The following PIK3CD variants were observed in gnomAD, a reference collection of about 807,000 sequenced individuals.
PIK3CD encodes the protein phosphatidylinositol-4,5-bisphosphate 3-kinase catalytic subunit delta.
PIK3CD carries 20 observed loss-of-function variants against 122.9 expected under a neutral mutation model. The ratio of observed to expected loss-of-function variants is 0.16; its 90% CI spans 0.11 to 0.24. The LOEUF (loss-of-function observed/expected upper bound fraction) is 0.24, where lower values mean the gene tolerates loss of function less well. Among genes scored for constraint, PIK3CD ranks in the 10% least tolerant of loss-of-function variants. PIK3CD has a pLI of 1.00. For missense variants in PIK3CD, 787 were observed against 1,406.3 expected (o/e 0.56, Z 7.04); for synonymous variants, 596 against 593.4 (o/e 1.00, Z -0.06).
At chr1:9,712,574 C>T (rs1647100617) in intron 3 of PIK3CD, among the ~76,000 whole-genome samples, 1 of 152,134 alleles carries the variant, frequency 6.6e-6, no homozygotes, top group Non-Finnish European at 1.5e-5. Flanking sequence ...AGCCATGGCA[C>T]CCGGCCCTTA....
At chr1:9,716,686 G>A (rs1394884333) in intron 6 of PIK3CD, 67 bp downstream of exon 6, 14 of 1,486,302 alleles carry the variant, frequency 9.4e-6, no homozygotes, top group Admixed American at 2.0e-5. Context: ...GGTGGGAGTC[G>A]GGGAGCTGAC....
chr1:9,728,165 A>G lies in PIK3CD; in HGVS notation c.*1119A>G, dbSNP rs957835110. On this transcript the variant is annotated 3_prime_UTR_variant, in exon 24 of 24. Transcript: ENST00000377346. ...GTTTTAACAAAAGGATGAGGCCAGA[A>G]CTCTTCCAGAACCATCACCTTTGGG... The G allele has an allele frequency of 1.3e-5, 2 of 151,980 alleles. No individual in the cohort carries two copies. The highest frequency in any genetic ancestry group is 2.9e-5 in the Non-Finnish European group (2 of 68,010). The allele number at this position is 151,980 out of a possible 1,614,324, so 9.4% of individuals were successfully genotyped here.
At chr1:9,637,314 G>C in the PIK3CD span, among the ~76,000 whole-genome samples, 1 of 152,086 alleles carries the variant, frequency 6.6e-6, no homozygotes, top group East Asian at 1.9e-4. Context: ...AGGATTGCTT[G>C]AGCCCAGGAG....
In PIK3CD at chr1:9,652,452, C is replaced by G. The variant is rs1326483442; in HGVS notation, c.-138+650C>G. 6.6e-6 allele frequency among the ~76,000 whole-genome samples: 1 copy of G among 152,224 alleles called. No individual in the cohort carries two copies. Among genetic ancestry groups the G allele is most frequent in the African/African-American group, 2.4e-5 (1 of 41,470 alleles). ...GTGGACCCGCGCCCCGCCTCCCAGTCCCGGGCCTCCCGCGTTGCTCGCCGC... is the reference window on the plus strand; with the variant it reads ...GTGGACCCGCGCCCCGCCTCCCAGTGCCGGGCCTCCCGCGTTGCTCGCCGC... On this transcript the variant is annotated intron_variant, in intron 1 of 23. Transcript: ENST00000377346. The surrounding 1 kb of genome is among the most constrained non-coding windows in gnomAD (Gnocchi z 6.2).
chr1:9,721,428 C>G lies in PIK3CD; in HGVS notation c.1812-16C>G. ...AGTCGGGGAGCTCCAGGCCCCAGCG[C>G]CTTCCTTCCCTGCAGGGACGATGAG... On this transcript the variant is annotated splice_polypyrimidine_tract_variant and intron_variant, in intron 14 of 23. Coordinates refer to ENST00000377346, the MANE Select transcript of PIK3CD (RefSeq NM_005026.5). 1 of 1,613,024 alleles carries G rather than the reference C, an allele frequency of 6.2e-7. No individual in the cohort carries two copies. The highest frequency in any genetic ancestry group is 8.5e-7 in the Non-Finnish European group (1 of 1,180,010).
chr1:9,712,465 G>A (rs1647094019), intron 3 of PIK3CD, among the ~76,000 whole-genome samples: 3 of 151,964 alleles, frequency 2.0e-5, no homozygotes, highest in South Asian at 2.1e-4. Flanking sequence ...ATTTTTAGTA[G>A]AGACGGGGTT....
At chr1:9,679,742 C>T (rs543838346) in intron 1 of PIK3CD, among the ~76,000 whole-genome samples, 3 of 152,300 alleles carry the variant, frequency 2.0e-5, no homozygotes, top group South Asian at 2.1e-4. Context: ...GCATAAGAAG[C>T]TTTATTGAGC....
Position 9,710,481 on chromosome 1 carries a change from T to C in PIK3CD, c.26T>C (p.Met9Thr). 3 of 1,614,128 alleles carry C rather than the reference T, an allele frequency of 1.9e-6. No homozygotes were observed. Among genetic ancestry groups the C allele is most frequent in the Non-Finnish European group, 2.5e-6 (3 of 1,179,998 alleles). MPPGVDCPMEFWTKEENQS... is the reference protein window; with the variant it reads MPPGVDCPTEFWTKEENQS... ...ATGCCCCCTGGGGTGGACTGCCCCATGGAATTCTGGACCAAGGAGGAGAAT... is the reference window on the plus strand; with the variant it reads ...ATGCCCCCTGGGGTGGACTGCCCCACGGAATTCTGGACCAAGGAGGAGAAT... Residue 9 changes from methionine to threonine, a missense_variant, in exon 3 of 24, where the codon ATG becomes ACG. Physicochemically the swap from Met to Thr is moderately conservative, Grantham distance 81. Transcript: ENST00000377346. This position sits in a 1 kb window ranked among gnomAD's most constrained non-coding sequence, Gnocchi z 4.7.
chr1:9,645,412 G>T, the PIK3CD span, among the ~76,000 whole-genome samples: 1 of 151,904 alleles, frequency 6.6e-6, no homozygotes, highest in Non-Finnish European at 1.5e-5. Context: ...AAAAGGAAGT[G>T]TATCAGGTTT....
intron 1 of PIK3CD, among the ~76,000 whole-genome samples, chr1:9,661,968 CCTGGGTGACAGAGTGAGACT>C (rs1645022756): frequency 6.6e-6 from 1 of 151,958 alleles, no homozygotes; most frequent in African/African-American, 2.4e-5. Context: ...TGCACTCCAG[CCTGGGTGACAGAGTGAGACT>C]CTGTCTCAAA....
rs529741352 is a variant in PIK3CD at position 9,721,593 on chromosome 1, G to T, written c.1955+6G>T. ...TTCCTTTTCTGGCACCTCCGGTAGC[G>T]GGACTTGCCCCAGCCGTTCTGTGGG... On this transcript the variant is annotated splice_donor_region_variant and intron_variant, in intron 15 of 23. Transcript: ENST00000377346. 3.1e-6 allele frequency: 5 copies of T among 1,612,706 alleles called. No homozygotes were observed. The highest frequency in any genetic ancestry group is 4.2e-6 in the Non-Finnish European group (5 of 1,179,992).
At chr1:9,658,358 C>T (rs1051343242) in intron 1 of PIK3CD, among the ~76,000 whole-genome samples, 6 of 146,404 alleles carry the variant, frequency 4.1e-5, no homozygotes, top group African/African-American at 1.5e-4. Flanking sequence ...TGCACTCTAG[C>T]CTGCGTGACA....
intron 2 of PIK3CD, among the ~76,000 whole-genome samples, chr1:9,695,321 A>G (rs930181915): frequency 1.3e-5 from 2 of 152,200 alleles, no homozygotes; most frequent in Non-Finnish European, 2.9e-5. Context: ...AAACGGAGGA[A>G]GGAAAAGTAT....
the PIK3CD span, among the ~76,000 whole-genome samples, chr1:9,642,456 G>A: frequency 1.3e-5 from 2 of 148,320 alleles, no homozygotes; most frequent in African/African-American, 2.5e-5. Flanking sequence ...CATGGCTCAC[G>A]CCTGTAATCC....
chr1:9,646,887 G>C (rs974602181), upstream of PIK3CD, among the ~76,000 whole-genome samples: 1 of 151,600 alleles, frequency 6.6e-6, no homozygotes, highest in Non-Finnish European at 1.5e-5. Context: ...CCAGGGAGGC[G>C]GAGGTTGCAG....
rs766335273 is a variant in PIK3CD, at chr1:9,720,680, T to C, written c.1521+19T>C. On this transcript the variant is annotated intron_variant, in intron 12 of 23. Transcript: ENST00000377346. This position sits in a 1 kb window ranked among gnomAD's most constrained non-coding sequence, Gnocchi z 9.0. Reference sequence around the variant, plus strand: ...GGAGGAGGTGAGTGGGGTGGGGGTGTGGGGTGGGGGGCATGGAGCCGGCGT... The same window carrying C: ...GGAGGAGGTGAGTGGGGTGGGGGTGCGGGGTGGGGGGCATGGAGCCGGCGT... 2.2e-5 allele frequency: 2 copies of C among 89,440 alleles called. No homozygotes were observed. The highest frequency in any genetic ancestry group is 3.8e-4 in the Admixed American group (2 of 5,240). 5.5% of individuals were successfully genotyped at this position (89,440 alleles called of 1,614,324 possible). A position where few individuals can be genotyped will look rare whatever the true frequency, so the allele number is the denominator to read the frequency against.
intron 3 of PIK3CD, among the ~76,000 whole-genome samples, chr1:9,714,799 C>T (rs556217879): frequency 5.9e-5 from 9 of 152,280 alleles, no homozygotes; most frequent in African/African-American, 2.2e-4. Context: ...CCCGTCACCC[C>T]AGGGCACACA....
At chr1:9,643,925 A>G in the PIK3CD span, among the ~76,000 whole-genome samples, 1 of 152,164 alleles carries the variant, frequency 6.6e-6, no homozygotes, top group Non-Finnish European at 1.5e-5. Context: ...GAAAAGACCC[A>G]CACCCAGCAA....
intron 1 of PIK3CD, among the ~76,000 whole-genome samples, chr1:9,657,365 A>G (rs915110279): frequency 2.0e-5 from 3 of 152,148 alleles, no homozygotes; most frequent in Admixed American, 6.5e-5. Flanking sequence ...ACAGATAAAC[A>G]GGAATGTCTT....
Sources: allele counts gnomAD v4.1 joint callset (sites outside exome capture counted in the v4.1 genomes callset), GRCh38; gene constraint gnomAD v4.1.1; non-coding constraint Gnocchi (gnomAD v3.1); transcripts MANE v1.5; gene names NCBI Gene and HGNC (gene_info 2026-07-23, HGNC 2026-07-21).